Variants in TNR observed in about 807,000 individuals in gnomAD.
The protein encoded by TNR is tenascin R.
TNR carries 45 observed loss-of-function variants against 150.4 expected under a neutral mutation model. That is an observed-to-expected ratio of 0.30 (90% confidence interval 0.24 to 0.38). TNR has a LOEUF of 0.38. Ranked by LOEUF, TNR falls within the 10% of genes least tolerant of loss-of-function variation. The pLI, the probability that TNR is intolerant of heterozygous loss-of-function variation, is 1.00. For missense variants in TNR, 1,544 were observed against 1,759.1 expected (o/e 0.88, Z 2.19); for synonymous variants, 687 against 678.4 (o/e 1.01, Z -0.20).
intron 18 of TNR, among the ~76,000 whole-genome samples, chr1:175,342,038 C>T (rs1005972862): frequency 6.6e-6 from 1 of 152,230 alleles, no homozygotes; most frequent in Non-Finnish European, 1.5e-5. Context: ...TATACTCTTA[C>T]TAATTCAACA....
intron 1 of TNR, among the ~76,000 whole-genome samples, chr1:175,656,315 C>T (rs553911746): frequency 1.6e-4 from 25 of 152,212 alleles, no homozygotes; most frequent in African/African-American, 4.8e-4. Context: ...TGGTGGGTCA[C>T]GCAGGAGAAC....
At chr1:175,453,046 C>A (rs1457110741) in intron 2 of TNR, among the ~76,000 whole-genome samples, 1 of 151,694 alleles carries the variant, frequency 6.6e-6, no homozygotes, top group Non-Finnish European at 1.5e-5. Flanking sequence ...CACGGTGGTA[C>A]AACAATGTGA....
chr1:175,350,574 C>T (rs1359241106), intron 18 of TNR, among the ~76,000 whole-genome samples: 1 of 152,160 alleles, frequency 6.6e-6, no homozygotes, highest in East Asian at 1.9e-4. Context: ...TTAATTCCCT[C>T]CAGAGTCTTG....
chr1:175,666,117 G>A (rs754035957), intron 1 of TNR, among the ~76,000 whole-genome samples: 22 of 152,134 alleles, frequency 1.4e-4, no homozygotes, highest in Admixed American at 2.6e-4. Flanking sequence ...AAACTCAAAC[G>A]TCATATAACC....
chr1:175,653,427 C>T (rs543660894), intron 1 of TNR, among the ~76,000 whole-genome samples: 1 of 152,200 alleles, frequency 6.6e-6, no homozygotes, highest in East Asian at 1.9e-4. Flanking sequence ...CTCAAAACAA[C>T]ACTATATATG....
chr1:175,486,490 G>A (rs1163597873), intron 2 of TNR, among the ~76,000 whole-genome samples: 1 of 152,164 alleles, frequency 6.6e-6, no homozygotes, highest in East Asian at 1.9e-4. Flanking sequence ...ATTCCATGGT[G>A]TATATGTGCC....
intron 1 of TNR, among the ~76,000 whole-genome samples, chr1:175,565,876 T>A (rs1254854446): frequency 6.6e-6 from 1 of 152,102 alleles, no homozygotes; most frequent in African/African-American, 2.4e-5. Context: ...GTTCATAAGG[T>A]ATTTTGGGTG....
intron 1 of TNR, among the ~76,000 whole-genome samples, chr1:175,536,446 C>T (rs1451897592): frequency 6.6e-6 from 1 of 152,222 alleles, no homozygotes; most frequent in Non-Finnish European, 1.5e-5. Flanking sequence ...AAAGTTCCAT[C>T]ATTATCCCCA....
chr1:175,591,568 G>C (rs1432445520), intron 1 of TNR, among the ~76,000 whole-genome samples: 7 of 152,234 alleles, frequency 4.6e-5, no homozygotes, highest in Non-Finnish European at 1.0e-4. Flanking sequence ...AGGCTGCAAG[G>C]ACAGTGTGGG....
At chr1:175,602,203 C>CAAAAAAAAAAAAA (rs57341654) in intron 1 of TNR, among the ~76,000 whole-genome samples, 3 of 30,532 alleles carry the variant, frequency 9.8e-5, no homozygotes, top group African/African-American at 1.9e-4. Flanking sequence ...GGACCAAAGG[C>CAAAAAAAAAAAAA]AAAAAAAAAA....
intron 1 of TNR, among the ~76,000 whole-genome samples, chr1:175,532,442 G>T (rs1571569778): frequency 6.6e-6 from 1 of 152,210 alleles, no homozygotes; most frequent in Non-Finnish European, 1.5e-5. Context: ...TGTTATTTCA[G>T]ACTCCTACTT....
chr1:175,537,846 T>G (rs1660355231), intron 1 of TNR, among the ~76,000 whole-genome samples: 1 of 152,188 alleles, frequency 6.6e-6, no homozygotes, highest in Non-Finnish European at 1.5e-5. Context: ...GGCCTGCTTC[T>G]GGGACTGTGA....
At chr1:175,715,314 A>G (rs1201314471) in intron 1 of TNR, among the ~76,000 whole-genome samples, 1 of 152,150 alleles carries the variant, frequency 6.6e-6, no homozygotes, top group Non-Finnish European at 1.5e-5. Context: ...TAGGGTATGA[A>G]GGGCCCATAA....
intron 1 of TNR, among the ~76,000 whole-genome samples, chr1:175,572,324 C>T (rs1435295128): frequency 3.3e-5 from 5 of 152,198 alleles, no homozygotes; most frequent in Admixed American, 2.6e-4. Flanking sequence ...ATGACATTTA[C>T]ATCTGGAAAT....
chr1:175,624,105 C>G (rs992931104), intron 1 of TNR, among the ~76,000 whole-genome samples: 1 of 152,220 alleles, frequency 6.6e-6, no homozygotes, highest in Non-Finnish European at 1.5e-5. Flanking sequence ...TAGAATTCCA[C>G]CTTCAGAGAT....
intron 2 of TNR, among the ~76,000 whole-genome samples, chr1:175,467,576 G>A (rs571704816): frequency 4.4e-4 from 67 of 152,286 alleles, no homozygotes; most frequent in African/African-American, 1.5e-3. Context: ...GGGAGGCATC[G>A]AGAGATGGCC....
rs149913725 is a variant in TNR at position 175,724,864 on chromosome 1, G to A, written c.-165+18362C>T. 7.6e-3 allele frequency among the ~76,000 whole-genome samples: 1,162 copies of A among 152,162 alleles called. 7 individuals are homozygous for A. The highest frequency in any genetic ancestry group is 0.013 in the Admixed American group (205 of 15,286). ...TTTGGCAGAGGGAGGAAGATGTGGC[G>A]AAATGGCCTGGAGGGGAGAGGAAGA... is the stretch of plus-strand genomic sequence containing the variant. On this transcript the variant is annotated intron_variant, in intron 1 of 22. Coordinates refer to ENST00000367674, the MANE Select transcript of TNR (RefSeq NM_003285.3).
intron 1 of TNR, among the ~76,000 whole-genome samples, chr1:175,602,113 T>C (rs747139254): frequency 6.8e-6 from 1 of 147,312 alleles, no homozygotes; most frequent in Middle Eastern, 3.5e-3. Context: ...TGCTTTAAAT[T>C]GATAATATAA....
rs1223795883 is a variant in TNR, at chr1:175,594,608, A to G, written c.-164-66239T>C. ...AGTGGTTCATGCCTGTAATCGCAAT[A>G]CTTTGGGAGACTGAAGCGGGCCAAT... On this transcript the variant is annotated intron_variant, in intron 1 of 22. Coordinates refer to ENST00000367674, the MANE Select transcript of TNR (RefSeq NM_003285.3). Among the ~76,000 whole-genome samples, 4 of 152,138 alleles carry G rather than the reference A, an allele frequency of 2.6e-5. No homozygotes were observed. In the East Asian group the frequency reaches 7.7e-4, roughly 29 times the overall value.
Sources: allele counts gnomAD v4.1 joint callset (sites outside exome capture counted in the v4.1 genomes callset), GRCh38; gene constraint gnomAD v4.1.1; transcripts MANE v1.5; gene names NCBI Gene and HGNC (gene_info 2026-07-23, HGNC 2026-07-21).